Variants in ZMAT5 observed in about 807,000 individuals in gnomAD.
The protein encoded by ZMAT5 is zinc finger matrin-type 5.
ZMAT5 carries 23 observed loss-of-function variants against 28.0 expected under a neutral mutation model. The observed-to-expected ratio is 0.82, with a 90% CI of 0.59 to 1.16. The LOEUF is 1.16. Ranked by LOEUF, ZMAT5 falls within the 50% of genes most tolerant of loss-of-function variation. The pLI is 0.00. For synonymous variants in ZMAT5, 76 were observed against 84.1 expected (o/e 0.90, Z 0.52); for missense variants, 173 against 212.7 (o/e 0.81, Z 1.16).
chr22:29,745,834 G>T (rs1339180072), intron 2 of ZMAT5, among the ~76,000 whole-genome samples: 1 of 152,358 alleles, frequency 6.6e-6, no homozygotes, highest in South Asian at 2.1e-4. Context: ...CGGTATATCC[G>T]CAAGTCCCTG....
intron 2 of ZMAT5, among the ~76,000 whole-genome samples, chr22:29,744,544 G>T (rs1601721124): frequency 1.3e-5 from 2 of 152,124 alleles, no homozygotes; most frequent in Middle Eastern, 3.4e-3. Context: ...TCCCTGAGGT[G>T]GGGGGGTACT....
chr22:29,741,304 C>T (rs1176241952), intron 3 of ZMAT5, among the ~76,000 whole-genome samples: 2 of 152,160 alleles, frequency 1.3e-5, no homozygotes, highest in African/African-American at 2.4e-5. Flanking sequence ...TGTCTCAAGC[C>T]AGGATAACCT....
At chr22:29,755,362 GGA>G (rs778068339) in intron 1 of ZMAT5, among the ~76,000 whole-genome samples, 1,204 of 19,164 alleles carry the variant, frequency 0.063, 20 homozygotes, top group African/African-American at 0.16. Context: ...AGGGAGGGAG[GGA>G]GGGGGAGAGA....
At chr22:29,755,607 T>C (rs1432059000) in intron 1 of ZMAT5, among the ~76,000 whole-genome samples, 1 of 152,144 alleles carries the variant, frequency 6.6e-6, no homozygotes, top group East Asian at 1.9e-4. Context: ...TGAGTAGATA[T>C]CAATATCAAG....
At position 29,731,076 on chromosome 22, in the gene ZMAT5, C is replaced by T; in HGVS notation, c.*149G>A. ...GCCCGGTGCAGACCCAGGACGAGGG[C>T]TGCACTTGGTGTGGCCGTGTCCTGA... is the stretch of plus-strand genomic sequence containing the variant. On this transcript the variant is annotated 3_prime_UTR_variant, in exon 6 of 6. Coordinates refer to ENST00000344318, the MANE Select transcript of ZMAT5 (RefSeq NM_001003692.2). 1.3e-6 allele frequency: 1 copy of T among 798,906 alleles called. No individual in the cohort carries two copies. The highest frequency in any genetic ancestry group is 1.8e-6 in the Non-Finnish European group (1 of 548,062). 49.5% of individuals were successfully genotyped at this position (798,906 alleles called of 1,614,324 possible).
At chr22:29,739,699 G>C (rs565863725) in intron 4 of ZMAT5, among the ~76,000 whole-genome samples, 1 of 152,344 alleles carries the variant, frequency 6.6e-6, no homozygotes, top group African/African-American at 2.4e-5. Flanking sequence ...CGTCCTCTGA[G>C]AGCCCATAGC....
intron 5 of ZMAT5, 43 bp from the exon 6 acceptor site, chr22:29,731,397 A>C (rs765732935): frequency 2.0e-6 from 3 of 1,526,490 alleles, no homozygotes; most frequent in Non-Finnish European, 2.6e-6. Flanking sequence ...AGTGCACTAC[A>C]GCCCAGGCTT....
chr22:29,744,952 G>C (rs1235233865), intron 2 of ZMAT5, among the ~76,000 whole-genome samples: 1 of 152,188 alleles, frequency 6.6e-6, no homozygotes, highest in Non-Finnish European at 1.5e-5. Flanking sequence ...GGTCCTTCTT[G>C]CTTCATCTCC....
At chr22:29,755,989 A>C (rs932551250) in intron 1 of ZMAT5, among the ~76,000 whole-genome samples, 1 of 152,264 alleles carries the variant, frequency 6.6e-6, no homozygotes, top group African/African-American at 2.4e-5. Context: ...TTTGCGCTTC[A>C]TCAATATTCT....
intron 1 of ZMAT5, among the ~76,000 whole-genome samples, chr22:29,763,930 C>G (rs1329434343): frequency 1.3e-5 from 2 of 151,866 alleles, no homozygotes; most frequent in African/African-American, 4.8e-5. Flanking sequence ...CCAGCCTGGG[C>G]AACAGAGTAA....
At chr22:29,736,941 G>A (rs2067910936) in intron 5 of ZMAT5, among the ~76,000 whole-genome samples, 1 of 151,538 alleles carries the variant, frequency 6.6e-6, no homozygotes. Context: ...GCAGGAGAAT[G>A]GCGTGAACCC....
Position 29,742,520 on chromosome 22 carries a change from C to T in ZMAT5, c.128-40G>A, listed in dbSNP as rs1411452906. The stretch of plus-strand genomic sequence containing the variant: ...AGGGACGGGATTCGGATGGTTCAGG[C>T]TCCACCAAAGGAGGCAGGAAGTGGA... On this transcript the variant is annotated intron_variant, in intron 2 of 5. Coordinates refer to ENST00000344318, the MANE Select transcript of ZMAT5 (RefSeq NM_001003692.2). 8.7e-6 allele frequency: 14 copies of T among 1,604,912 alleles called. No homozygotes were observed. The South Asian group carries it at 1.3e-4, about 15-fold the overall frequency.
Position 29,731,333 on chromosome 22 carries a change from A to G in ZMAT5, c.405T>C (p.Thr135=). 1 of 1,540,006 alleles carries G rather than the reference A, an allele frequency of 6.5e-7. No homozygotes were observed. Among genetic ancestry groups the G allele is most frequent in the Non-Finnish European group, 8.7e-7 (1 of 1,153,210 alleles). The change falls in exon 6 of 6, where the codon ACT becomes ACC. Residue 135 remains threonine, a synonymous_variant. Coordinates refer to ENST00000344318, the MANE Select transcript of ZMAT5 (RefSeq NM_001003692.2). ...GCCAGCCCACGGGGTACTGGAAGAC[A>G]GTGGTTCTGATGGGTTCAGCCCTAG... ...PSSRAEPIRT[T]VFQYPVGWPP...
At chr22:29,764,475 G>A (rs909587596) in intron 1 of ZMAT5, among the ~76,000 whole-genome samples, 3 of 152,126 alleles carry the variant, frequency 2.0e-5, no homozygotes, top group Non-Finnish European at 4.4e-5. Context: ...CAGAGTCAGA[G>A]GCAGAGCCAG....
intron 1 of ZMAT5, among the ~76,000 whole-genome samples, chr22:29,749,417 C>T (rs1287585669): frequency 7.2e-5 from 11 of 152,168 alleles, no homozygotes; most frequent in Middle Eastern, 3.4e-3. Flanking sequence ...TAGGCCACAC[C>T]GGCCTCCCCT....
At chr22:29,743,191 G>A (rs151061428) in intron 2 of ZMAT5, among the ~76,000 whole-genome samples, 20 of 152,202 alleles carry the variant, frequency 1.3e-4, no homozygotes, top group African/African-American at 4.6e-4. Context: ...AAAATAAAAT[G>A]CTAAAAATTT....
chr22:29,751,743 G>A (rs985980748), intron 1 of ZMAT5, among the ~76,000 whole-genome samples: 8 of 152,166 alleles, frequency 5.3e-5, no homozygotes, highest in Non-Finnish European at 1.0e-4. Context: ...GAGATGGGTC[G>A]ATTGCTTGAG....
At chr22:29,735,638 G>A (rs940652647) in intron 5 of ZMAT5, among the ~76,000 whole-genome samples, 15 of 152,314 alleles carry the variant, frequency 9.8e-5, no homozygotes, top group East Asian at 3.9e-4. Flanking sequence ...AGCAGGGCAC[G>A]TGTGATCAGG....
intron 3 of ZMAT5, 37 bp from the exon 4 acceptor site, chr22:29,740,767 G>C (rs1170961726): frequency 1.2e-5 from 19 of 1,560,976 alleles, no homozygotes; most frequent in Middle Eastern, 1.7e-4. Context: ...CTGCTCGGGA[G>C]GGGCTCCCCA....
Sources: allele counts gnomAD v4.1 joint callset (sites outside exome capture counted in the v4.1 genomes callset), GRCh38; gene constraint gnomAD v4.1.1; transcripts MANE v1.5; gene names NCBI Gene and HGNC (gene_info 2026-07-23, HGNC 2026-07-21).